Variants in KAT6A observed in about 807,000 individuals in gnomAD.
KAT6A encodes lysine acetyltransferase 6A.
A neutral mutation model predicts 198.4 loss-of-function variants in KAT6A; 9 were observed. The ratio of observed to expected loss-of-function variants is 0.05; its 90% CI spans 0.03 to 0.08. The LOEUF is 0.08. Among genes scored for constraint, KAT6A ranks in the 10% least tolerant of loss-of-function variants. The pLI is 1.00. For missense variants in KAT6A, 2,077 were observed against 2,509.9 expected, an observed-to-expected ratio of 0.83 and a Z score of 3.69; for synonymous variants, 890 against 883.0, an observed-to-expected ratio of 1.01 and a Z score of -0.14.
chr8:42,033,447 G>A (rs4737028), intron 2 of KAT6A, among the ~76,000 whole-genome samples: 40,880 of 152,018 alleles, frequency 0.27, 5,936 homozygotes, highest in Middle Eastern at 0.43. Flanking sequence ...CTTCGAAACC[G>A]AGAGCTAAGT....
chr8:42,042,120 A>G (rs1487900990), intron 2 of KAT6A, among the ~76,000 whole-genome samples: 1 of 152,206 alleles, frequency 6.6e-6, no homozygotes, highest in African/African-American at 2.4e-5. Flanking sequence ...TCATTTCCAA[A>G]TAGCTAAATC....
At position 42,048,815 on chromosome 8, in the gene KAT6A, C is replaced by T; in HGVS notation, c.163G>A (p.Val55Ile). ...KTVLEQLELS[V>I]KDGTILKVSN... ...ACTTTTAAAATTGTTCCATCTTTAA[C>T]ACTCAACTCCAATTGTTCTAAAACA... The change falls in exon 2 of 17, where the codon GTT (valine) becomes ATT (isoleucine). Residue 55 changes from valine (V) to isoleucine (I), a missense_variant. This residue lies in a region of KAT6A where 35 missense variants were observed against 76.6 expected (regional missense o/e 0.46). Coordinates refer to ENST00000265713, the MANE Select transcript of KAT6A (RefSeq NM_006766.5). The T allele has an allele frequency of 6.2e-7, 1 of 1,614,062 alleles. No individual in the cohort carries two copies. Among genetic ancestry groups the T allele is most frequent in the Non-Finnish European group, 8.5e-7 (1 of 1,179,940 alleles).
At chr8:42,042,370 A>G (rs1003533095) in intron 2 of KAT6A, among the ~76,000 whole-genome samples, 1 of 151,948 alleles carries the variant, frequency 6.6e-6, no homozygotes, top group African/African-American at 2.4e-5. Context: ...AGGCAGGAGA[A>G]TCGCTTGAAC....
intron 8 of KAT6A, among the ~76,000 whole-genome samples, chr8:41,966,764 AC>A (rs1216114719): frequency 6.6e-6 from 1 of 152,042 alleles, no homozygotes; most frequent in African/African-American, 2.4e-5. Flanking sequence ...ATGCACCTTT[AC>A]CTGCCTGCAC....
At position 42,051,178 on chromosome 8, in the gene KAT6A, G is replaced by T. The variant is rs534613895; in HGVS notation, c.-326+723C>A. Among the ~76,000 whole-genome samples the T allele has an allele frequency of 1.5e-4, 23 of 152,222 alleles. No individual in the cohort carries two copies. In the East Asian group the frequency reaches 4.3e-3, roughly 28 times the overall value. ...CACCCTAAGCTCTGGGGGCCGGCTC[G>T]AGGGCGGCGCGGGTTGCTGGGAGCC... On this transcript the variant is annotated intron_variant, in intron 1 of 16. Coordinates refer to ENST00000265713, the MANE Select transcript of KAT6A (RefSeq NM_006766.5).
intron 3 of KAT6A, among the ~76,000 whole-genome samples, chr8:41,984,544 A>T (rs1196882674): frequency 6.6e-6 from 1 of 152,232 alleles, no homozygotes; most frequent in African/African-American, 2.4e-5. Flanking sequence ...CACCCAGATA[A>T]GCAACTCCCA....
chr8:41,994,786 G>A (rs574960810), intron 2 of KAT6A, among the ~76,000 whole-genome samples: 48 of 152,144 alleles, frequency 3.2e-4, no homozygotes, highest in Non-Finnish European at 5.1e-4. Context: ...GGCTGGGCAC[G>A]GTGGCTCACA....
chr8:42,038,038 T>C (rs1453739344), intron 2 of KAT6A, among the ~76,000 whole-genome samples: 1 of 152,208 alleles, frequency 6.6e-6, no homozygotes, highest in Admixed American at 6.5e-5. Context: ...CCACCCATAT[T>C]TAATGTCTTT....
chr8:41,971,692 G>A (rs972736750), intron 8 of KAT6A, among the ~76,000 whole-genome samples: 22 of 151,088 alleles, frequency 1.5e-4, no homozygotes, highest in East Asian at 5.8e-4. Flanking sequence ...TCCAACCTAC[G>A]TTCAAAAATA....
intron 12 of KAT6A, 86 bp downstream of exon 12, chr8:41,946,505 C>CAT (rs1822401589): frequency 1.7e-6 from 1 of 584,368 alleles, no homozygotes; most frequent in Admixed American, 2.5e-5. Context: ...CACACACACA[C>CAT]ACACACACAC....
chr8:41,983,734 T>C (rs1824471391), intron 3 of KAT6A, among the ~76,000 whole-genome samples: 2 of 152,244 alleles, frequency 1.3e-5, no homozygotes, highest in Admixed American at 6.5e-5. Context: ...TATGATATAA[T>C]ATGCAGTGCC....
rs1826422510 is a variant in KAT6A, at chr8:42,019,403, G to A, written c.600+28975C>T. Among the ~76,000 whole-genome samples the A allele has an allele frequency of 2.6e-5, 4 of 151,864 alleles. No homozygotes were observed. In the South Asian group the frequency reaches 8.3e-4, roughly 31 times the overall value. On this transcript the variant is annotated intron_variant, in intron 2 of 16. Coordinates refer to ENST00000265713, the MANE Select transcript of KAT6A (RefSeq NM_006766.5). ...ACATTTTTTTCCTCAGTTTCCTTCA[G>A]TACATTAGTAAACTGCACTGCAGGC...
chr8:41,953,021 T>C (rs1218297876), intron 9 of KAT6A, among the ~76,000 whole-genome samples: 1 of 152,224 alleles, frequency 6.6e-6, no homozygotes, highest in Non-Finnish European at 1.5e-5. Flanking sequence ...GTTCCTATCC[T>C]GTTTCTGCTT....
At chr8:42,050,923 G>GC (rs933109168) in intron 1 of KAT6A, among the ~76,000 whole-genome samples, 1 of 152,132 alleles carries the variant, frequency 6.6e-6, no homozygotes, top group African/African-American at 2.4e-5. Context: ...TAGAGCGAGC[G>GC]CAACTCGCTT....
rs773797630 is a variant in KAT6A, at chr8:42,048,521, G to C, written c.457C>G (p.Arg153Gly). 1 of 1,614,038 alleles carries C rather than the reference G, an allele frequency of 6.2e-7. No homozygotes were observed. Among genetic ancestry groups the C allele is most frequent in the Non-Finnish European group, 8.5e-7 (1 of 1,180,042 alleles). The change falls in exon 2 of 17, where the codon CGT becomes GGT. Residue 153 changes from arginine to glycine, a missense_variant. Arg to Gly is a moderately radical substitution (Grantham distance 125). This residue lies in a region of KAT6A where 185 missense variants were observed against 185.7 expected (regional missense o/e 1.00). Transcript: ENST00000265713. The part of the protein sequence containing the change: ...FHQQLRLAIK[R>G]AIGHGRLLKD... ...AGGAGTCTGCCGTGGCCAATGGCAC[G>C]TTTGATAGCCAATCGTAACTGCTGG...
At chr8:42,045,562 C>CAAAA (rs373672997) in intron 2 of KAT6A, among the ~76,000 whole-genome samples, 2 of 74,064 alleles carry the variant, frequency 2.7e-5, no homozygotes, top group African/African-American at 9.5e-5. Context: ...AATTCCATCT[C>CAAAA]AAAAAAAAAA....
Position 41,937,352 on chromosome 8 carries a change from G to C in KAT6A, c.3256C>G (p.Arg1086Gly). ...AGTACATCCTGCGAAGACAAACGAC[G>C]GAAGTATTCTCTAGGGAAAAGTTCA... ...ENELFPREYFRRLSSQDVLRC... is the reference protein window; with the variant it reads ...ENELFPREYFGRLSSQDVLRC... The change falls in exon 16 of 17, where the codon CGT (arginine) becomes GGT (glycine). Residue 1086 changes from arginine (R) to glycine (G), a missense_variant. Coordinates refer to ENST00000265713, the MANE Select transcript of KAT6A (RefSeq NM_006766.5). The C allele has an allele frequency of 1.2e-6, 2 of 1,613,882 alleles. No individual in the cohort carries two copies. Among genetic ancestry groups the C allele is most frequent in the Non-Finnish European group, 8.5e-7 (1 of 1,179,796 alleles).
intron 3 of KAT6A, among the ~76,000 whole-genome samples, chr8:41,986,142 T>C (rs182559714): frequency 2.7e-4 from 41 of 152,312 alleles, no homozygotes; most frequent in African/African-American, 8.7e-4. Context: ...GGTTTCACCA[T>C]GTTGGCCAGG....
rs1483266393 is a variant in KAT6A, at chr8:41,931,535, A to C, written c.*670T>G. On this transcript the variant is annotated 3_prime_UTR_variant, in exon 17 of 17. Transcript: ENST00000265713. ...AAGATTTCAATGAAGTCCGTCTATA[A>C]AGAAACATTCTTGGGGAAGGGTTTC... The C allele has an allele frequency of 4.8e-6, 1 of 206,766 alleles. No individual in the cohort carries two copies. Among genetic ancestry groups the C allele is most frequent in the Non-Finnish European group, 9.9e-6 (1 of 101,206 alleles). The allele number at this position is 206,766 out of a possible 1,614,324, so 12.8% of individuals were successfully genotyped here. A position where few individuals can be genotyped will look rare whatever the true frequency, so the allele number is the denominator to read the frequency against.
Sources: gnomAD v4.1 joint callset for allele counts (sites outside exome capture counted in the v4.1 genomes callset) on GRCh38, gnomAD v4.1.1 for gene constraint, gnomAD v4.1.1 regional missense constraint, MANE v1.5 for transcripts, NCBI Gene and HGNC (gene_info 2026-07-23, HGNC 2026-07-21) for gene names.